COL5A2: variants seen among roughly 807,000 people sequenced by gnomAD.
The protein encoded by COL5A2 is collagen type V alpha 2 chain.
In COL5A2, 23 loss-of-function variants were observed where a neutral mutation model predicts 208.2. That is an observed-to-expected ratio of 0.11 (90% CI 0.08 to 0.16). The LOEUF (loss-of-function observed/expected upper bound fraction) is 0.16. COL5A2 is among the 10% of genes least tolerant of loss of function. The pLI, the probability that COL5A2 is intolerant of heterozygous loss-of-function variation, is 1.00. For missense variants in COL5A2, 1,590 were observed against 1,956.4 expected, an observed-to-expected ratio of 0.81 and a Z score of 3.53; for synonymous variants, 625 against 628.5, an observed-to-expected ratio of 0.99 and a Z score of 0.08.
At chr2:189,320,890 G>GA in the COL5A2 span, among the ~76,000 whole-genome samples, 1 of 152,138 alleles carries the variant, frequency 6.6e-6, no homozygotes, top group Non-Finnish European at 1.5e-5. Context: ...TGAAATGAAG[G>GA]AAAAAATGTT....
the COL5A2 span, among the ~76,000 whole-genome samples, chr2:189,435,239 G>C: frequency 6.6e-6 from 1 of 152,134 alleles, no homozygotes; most frequent in African/African-American, 2.4e-5. Context: ...GAAAACCTAG[G>C]CAATACCATT....
At chr2:189,302,605 G>A in the COL5A2 span, among the ~76,000 whole-genome samples, 3 of 152,044 alleles carry the variant, frequency 2.0e-5, no homozygotes, top group Non-Finnish European at 4.4e-5. Flanking sequence ...TCACAATTTC[G>A]GTTACCTGTG....
chr2:189,228,380 A>C (rs1177921183), upstream of COL5A2, among the ~76,000 whole-genome samples: 5 of 151,860 alleles, frequency 3.3e-5, no homozygotes, highest in African/African-American at 4.8e-5. Flanking sequence ...TGGCCTTTTG[A>C]AAAAATCAAC....
the COL5A2 span, among the ~76,000 whole-genome samples, chr2:189,249,192 C>A: frequency 6.6e-6 from 1 of 152,024 alleles, no homozygotes; most frequent in Non-Finnish European, 1.5e-5. Context: ...AAATTTCATA[C>A]CAGCAATTAT....
chr2:189,148,463 T>C (rs1159222658), intron 1 of COL5A2, among the ~76,000 whole-genome samples: 1 of 151,960 alleles, frequency 6.6e-6, no homozygotes, highest in African/African-American at 2.4e-5. Context: ...TCTTCTAAGC[T>C]GGGAAGATGA....
At chr2:189,369,611 AT>A in the COL5A2 span, among the ~76,000 whole-genome samples, 1 of 151,740 alleles carries the variant, frequency 6.6e-6, no homozygotes, top group African/African-American at 2.4e-5. Flanking sequence ...TTACCTATGA[AT>A]TTTGATTATT....
intron 21 of COL5A2, among the ~76,000 whole-genome samples, chr2:189,067,590 TG>T (rs1383952488): frequency 6.6e-6 from 1 of 152,212 alleles, no homozygotes; most frequent in Non-Finnish European, 1.5e-5. Context: ...ACATTCAATC[TG>T]ATTAATATAT....
chr2:189,200,744 T>G (rs940802804), intron 1 of COL5A2, among the ~76,000 whole-genome samples: 2 of 149,350 alleles, frequency 1.3e-5, no homozygotes, highest in Non-Finnish European at 3.0e-5. Context: ...ATATAATACA[T>G]AATGAGGGAA....
chr2:189,280,011 T>C, the COL5A2 span, among the ~76,000 whole-genome samples: 1 of 152,076 alleles, frequency 6.6e-6, no homozygotes, highest in South Asian at 2.1e-4. Context: ...AAGAGAGCTC[T>C]CTCATCCATT....
intron 1 of COL5A2, among the ~76,000 whole-genome samples, chr2:189,116,051 C>T (rs1687382239): frequency 6.6e-6 from 1 of 152,184 alleles, no homozygotes; most frequent in South Asian, 2.1e-4. Flanking sequence ...GCTACAGCAA[C>T]CCTTCAGCCT....
At chr2:189,289,013 G>A in the COL5A2 span, among the ~76,000 whole-genome samples, 6 of 152,072 alleles carry the variant, frequency 3.9e-5, no homozygotes, top group East Asian at 1.9e-4. Context: ...TATCCATTTC[G>A]CTGAAAGTTT....
intron 1 of COL5A2, among the ~76,000 whole-genome samples, 175 bp downstream of exon 1, chr2:189,179,333 G>A (rs1214865642): frequency 6.6e-6 from 1 of 152,062 alleles, no homozygotes; most frequent in Non-Finnish European, 1.5e-5. Flanking sequence ...TAGAAGCTCC[G>A]GATTTACAAA....
At chr2:189,053,077 G>C (rs1342973733) in intron 38 of COL5A2, 59 bp from the exon 39 acceptor site, 1 of 1,259,242 alleles carries the variant, frequency 7.9e-7, no homozygotes, top group African/African-American at 1.5e-5. Flanking sequence ...AATTACTTTA[G>C]AGTAATTATT....
chr2:189,418,166 G>GA, the COL5A2 span, among the ~76,000 whole-genome samples: 1 of 151,528 alleles, frequency 6.6e-6, no homozygotes, highest in South Asian at 2.1e-4. Flanking sequence ...TGTAAAAGAA[G>GA]AAAAAAAATG....
chr2:189,247,743 C>T, the COL5A2 span, among the ~76,000 whole-genome samples: 1 of 152,014 alleles, frequency 6.6e-6, no homozygotes, highest in Non-Finnish European at 1.5e-5. Context: ...CCACACCCTG[C>T]TAATTTTTGT....
chr2:189,226,053 A>G (rs1689414017), upstream of COL5A2, among the ~76,000 whole-genome samples: 1 of 152,162 alleles, frequency 6.6e-6, no homozygotes, highest in Admixed American at 6.5e-5. Context: ...TATGCCTACA[A>G]TGCTTTTATG....
At chr2:189,245,586 GCCATTCT>G in the COL5A2 span, among the ~76,000 whole-genome samples, 1 of 149,894 alleles carries the variant, frequency 6.7e-6, no homozygotes, top group East Asian at 2.0e-4. Flanking sequence ...CCGGGTTCAC[GCCATTCT>G]CCTGCCTCAG....
chr2:189,323,273 C>T, the COL5A2 span, among the ~76,000 whole-genome samples: 5 of 152,062 alleles, frequency 3.3e-5, no homozygotes, highest in African/African-American at 7.2e-5. Flanking sequence ...GACAGGGATG[C>T]CCTCTCTCAC....
chr2:189,184,850 C>A (rs975243737), upstream of COL5A2, among the ~76,000 whole-genome samples: 2 of 152,042 alleles, frequency 1.3e-5, no homozygotes, highest in African/African-American at 2.4e-5. Context: ...CAGAAATAAA[C>A]TTAGATTGTG....
Sources: gnomAD v4.1 joint callset for allele counts (sites outside exome capture counted in the v4.1 genomes callset) on GRCh38, gnomAD v4.1.1 for gene constraint, MANE v1.5 for transcripts, NCBI Gene and HGNC (gene_info 2026-07-23, HGNC 2026-07-21) for gene names.